PCDHGB6: variants seen among roughly 807,000 people sequenced by gnomAD.
PCDHGB6 encodes the protein protocadherin gamma-B6.
A neutral mutation model predicts 59.1 loss-of-function variants in PCDHGB6; 51 were observed. That is an observed-to-expected ratio of 0.86 (90% CI 0.69 to 1.09). PCDHGB6 has a LOEUF of 1.09. PCDHGB6 is among the 50% of genes least tolerant of loss of function. The probability of loss-of-function intolerance (pLI) is 0.00; values close to 1 mark genes in which losing one functional copy is unlikely to be tolerated. For missense variants in PCDHGB6, 1,148 were observed against 1,205.1 expected (o/e 0.95, Z 0.70); for synonymous variants, 466 against 495.1 (o/e 0.94, Z 0.78).
At chr5:141,430,653 A>G (rs2097300223) in intron 1 of PCDHGB6, 4 of 1,073,410 alleles carry the variant, frequency 3.7e-6, no homozygotes, top group Middle Eastern at 2.4e-4. Context: ...TGTGGAAACA[A>G]CGGAGGAGCT....
At chr5:141,414,245 T>A in intron 1 of PCDHGB6, 2 of 1,613,498 alleles carry the variant, frequency 1.2e-6, no homozygotes, top group Non-Finnish European at 1.7e-6. Context: ...ACGTCTCTAT[T>A]TAGTCCAGTG....
chr5:141,423,185 C>T (rs996177363), intron 1 of PCDHGB6: 7 of 1,613,492 alleles, frequency 4.3e-6, no homozygotes, highest in Non-Finnish European at 5.9e-6. Context: ...CACGGCCAGC[C>T]CCCTCTCTCG....
At position 141,477,222 on chromosome 5, in the gene PCDHGB6, C is replaced by T; in HGVS notation, c.2419-17585C>T. Reference sequence around the variant, plus strand: ...GTACCCGAGGATGCCCCTCTGGGGACTGTCATCGCTTTGCTCAGTGTGACT... The same window carrying T: ...GTACCCGAGGATGCCCCTCTGGGGATTGTCATCGCTTTGCTCAGTGTGACT... On this transcript the variant is annotated intron_variant, in intron 1 of 3. Transcript: ENST00000520790. This position sits in a 1 kb window ranked among gnomAD's most constrained non-coding sequence, Gnocchi z 4.9. 2 of 1,614,218 alleles carry T rather than the reference C, an allele frequency of 1.2e-6. No homozygotes were observed. Among genetic ancestry groups the T allele is most frequent in the South Asian group, 1.1e-5 (1 of 91,086 alleles).
intron 1 of PCDHGB6, chr5:141,424,079 C>A: frequency 3.1e-6 from 3 of 973,190 alleles, no homozygotes; most frequent in African/African-American, 1.8e-5. Context: ...TAGTTATATT[C>A]CACCATTATT....
At chr5:141,433,398 T>TCTAC (rs1487149690) in intron 1 of PCDHGB6, among the ~76,000 whole-genome samples, 2 of 151,396 alleles carry the variant, frequency 1.3e-5, no homozygotes, top group Non-Finnish European at 2.9e-5. Context: ...TATCTATCTA[T>TCTAC]CTATCTATTA....
At chr5:141,484,620 C>G (rs536622819) in intron 1 of PCDHGB6, among the ~76,000 whole-genome samples, 25 of 151,974 alleles carry the variant, frequency 1.6e-4, no homozygotes, top group African/African-American at 6.0e-4. Flanking sequence ...ACAACACTGG[C>G]TTGAACAAAG....
rs1167812243 is a variant in PCDHGB6, at chr5:141,414,179, C to T, written c.2418+3559C>T. ...GATGGAGGAGCATATCTTGCAACTG[C>T]AAAAGTGTTGATTACAGTAGAAGAT... On this transcript the variant is annotated intron_variant, in intron 1 of 3. Transcript: ENST00000520790. 3 of 1,608,128 alleles carry T rather than the reference C, an allele frequency of 1.9e-6. No individual in the cohort carries two copies. In the South Asian group the frequency reaches 3.3e-5, roughly 18 times the overall value.
intron 1 of PCDHGB6, among the ~76,000 whole-genome samples, chr5:141,426,008 T>G (rs2096909040): frequency 6.6e-6 from 1 of 152,224 alleles, no homozygotes; most frequent in South Asian, 2.1e-4. Context: ...GGCTTCCGGC[T>G]GCAGTTTTCT....
chr5:141,454,351 C>T (rs1406631649), intron 1 of PCDHGB6, among the ~76,000 whole-genome samples: 2 of 152,152 alleles, frequency 1.3e-5, no homozygotes, highest in Non-Finnish European at 2.9e-5. Flanking sequence ...GAAGTTGATC[C>T]AAACTTAGAA....
At position 141,431,176 on chromosome 5, in the gene PCDHGB6, A is replaced by G; in HGVS notation, c.2418+20556A>G. On this transcript the variant is annotated intron_variant, in intron 1 of 3. Coordinates refer to ENST00000520790, the MANE Select transcript of PCDHGB6 (RefSeq NM_018926.3). The surrounding 1 kb of genome is among the most constrained non-coding windows in gnomAD (Gnocchi z 4.8). Reference sequence around the variant, plus strand: ...CTTACTTTCGTGAAAGTGAATTAGAAATAAAAATTAGTGAAAATGCAGCCA... The same window carrying G: ...CTTACTTTCGTGAAAGTGAATTAGAGATAAAAATTAGTGAAAATGCAGCCA... The G allele has an allele frequency of 1.2e-6, 2 of 1,614,212 alleles. No individual in the cohort carries two copies. Among genetic ancestry groups the G allele is most frequent in the Non-Finnish European group, 1.7e-6 (2 of 1,180,032 alleles).
Position 141,450,006 on chromosome 5 carries a change from C to CTATTTTTT in PCDHGB6, c.2418+39387_2418+39388insATTTTTTT, listed in dbSNP as rs70988802. Among the ~76,000 whole-genome samples the CTATTTTTT allele has an allele frequency of 4.4e-4, 58 of 132,942 alleles. 2 individuals carry two copies. The highest frequency in any genetic ancestry group is 8.4e-4 in the African/African-American group (30 of 35,608). The allele number at this position is 132,942 out of a possible 152,430, so 87.2% of individuals were successfully genotyped here. A position where few individuals can be genotyped will look rare whatever the true frequency, so the allele number is the denominator to read the frequency against. ...CACATTGCATTTAGTTGCCATGTCT[C>CTATTTTTT]TTTTTTTTTTTTTTTTTTGAGACAG... On this transcript the variant is annotated intron_variant, in intron 1 of 3. Coordinates refer to ENST00000520790, the MANE Select transcript of PCDHGB6 (RefSeq NM_018926.3).
intron 1 of PCDHGB6, chr5:141,422,103 A>C: frequency 6.2e-7 from 1 of 1,608,206 alleles, no homozygotes; most frequent in Admixed American, 1.7e-5. Context: ...CTTCTGAAAT[A>C]TTCCAATTGG....
At chr5:141,464,838 A>G (rs2099091245) in intron 1 of PCDHGB6, among the ~76,000 whole-genome samples, 1 of 152,182 alleles carries the variant, frequency 6.6e-6, no homozygotes, top group African/African-American at 2.4e-5. Context: ...TCCTGGGCTC[A>G]AGCAATCCTC....
At position 141,490,357 on chromosome 5, in the gene PCDHGB6, A is replaced by G; in HGVS notation, c.2419-4450A>G. ...AGTGGGCACAGTAGTGGGGTTGTTT[A>G]ATGTGCGAGACCGGGACTCAGGTAG... On this transcript the variant is annotated intron_variant, in intron 1 of 3. Transcript: ENST00000520790. This position sits in a 1 kb window ranked among gnomAD's most constrained non-coding sequence, Gnocchi z 5.4. The G allele has an allele frequency of 6.2e-7, 1 of 1,614,178 alleles. No individual in the cohort carries two copies. The highest frequency in any genetic ancestry group is 8.5e-7 in the Non-Finnish European group (1 of 1,180,030).
At position 141,489,644 on chromosome 5, in the gene PCDHGB6, C is replaced by T. The variant is rs1244782345; in HGVS notation, c.2419-5163C>T. 11 of 1,614,070 alleles carry T rather than the reference C, an allele frequency of 6.8e-6. No individual in the cohort carries two copies. The Admixed American group carries it at 1.8e-4, about 27-fold the overall frequency. ...AATGACAACTCTCCTAGCTTTGCCA[C>T]CCCTGAGCGAGAGATGCGCATCTCA... is the stretch of plus-strand genomic sequence containing the variant. On this transcript the variant is annotated intron_variant, in intron 1 of 3. Coordinates refer to ENST00000520790, the MANE Select transcript of PCDHGB6 (RefSeq NM_018926.3). The surrounding 1 kb of genome is among the most constrained non-coding windows in gnomAD (Gnocchi z 4.5).
chr5:141,420,256 T>C (rs377440259), intron 1 of PCDHGB6: 2 of 1,569,010 alleles, frequency 1.3e-6, no homozygotes, highest in Non-Finnish European at 1.7e-6. Flanking sequence ...TTGAAGCAGA[T>C]AAGAAGATTC....
chr5:141,415,754 T>TTTTG, intron 1 of PCDHGB6: 1 of 1,385,736 alleles, frequency 7.2e-7, no homozygotes, highest in Non-Finnish European at 9.3e-7. Flanking sequence ...TTTTTTTTTT[T>TTTTG]TTTTTTTTTT....
At position 141,419,408 on chromosome 5, in the gene PCDHGB6, C is replaced by T. The variant is rs534591654; in HGVS notation, c.2418+8788C>T. On this transcript the variant is annotated intron_variant, in intron 1 of 3. Coordinates refer to ENST00000520790, the MANE Select transcript of PCDHGB6 (RefSeq NM_018926.3). ...CGCGCAGAGCGGGGTGGTGTTCGCG[C>T]AGCGCGCCTTCGACCACGAGCAGCT... 6.2e-6 allele frequency: 10 copies of T among 1,613,508 alleles called. No individual in the cohort carries two copies. The African/African-American group carries it at 1.3e-4, about 21-fold the overall frequency.
At position 141,486,257 on chromosome 5, in the gene PCDHGB6, A is replaced by C; in HGVS notation, c.2419-8550A>C. 6.2e-7 allele frequency: 1 copy of C among 1,614,032 alleles called. No individual in the cohort carries two copies. The highest frequency in any genetic ancestry group is 8.5e-7 in the Non-Finnish European group (1 of 1,179,982). On this transcript the variant is annotated intron_variant, in intron 1 of 3. Transcript: ENST00000520790. The surrounding 1 kb of genome is among the most constrained non-coding windows in gnomAD (Gnocchi z 5.0). ...CTCAGAGCTTGGAACCCTCCCCGAG[A>C]GTGCAGAACCTGGCACTGTGGTGGC... is the stretch of plus-strand genomic sequence containing the variant.
Sources: allele counts gnomAD v4.1 joint callset (sites outside exome capture counted in the v4.1 genomes callset), GRCh38; gene constraint gnomAD v4.1.1; non-coding constraint Gnocchi (gnomAD v3.1); transcripts MANE v1.5; gene names NCBI Gene and HGNC (gene_info 2026-07-23, HGNC 2026-07-21).